RNF217: variants seen among roughly 807,000 people sequenced by gnomAD.
RNF217 encodes E3 ubiquitin-protein ligase RNF217.
A neutral mutation model predicts 57.8 loss-of-function variants in RNF217; 31 were observed. The observed-to-expected ratio is 0.54, with a 90% CI of 0.40 to 0.72. RNF217 has a LOEUF of 0.72. RNF217 is among the 30% of genes least tolerant of loss of function. RNF217 has a pLI of 0.00. For synonymous variants in RNF217, 313 were observed against 294.0 expected, an observed-to-expected ratio of 1.06 and a Z score of -0.66; for missense variants, 696 against 708.3, an observed-to-expected ratio of 0.98 and a Z score of 0.20.
chr6:125,046,820 C>T (rs1406108648), intron 2 of RNF217, among the ~76,000 whole-genome samples: 1 of 151,972 alleles, frequency 6.6e-6, no homozygotes, highest in African/African-American at 2.4e-5. Flanking sequence ...AGTCGTTGTT[C>T]TTTGAAACTG....
chr6:125,082,855 T>C lies in RNF217; in HGVS notation c.1556-9T>C, dbSNP rs370471562. 3.2e-6 allele frequency: 5 copies of C among 1,583,472 alleles called. No individual in the cohort carries two copies. The highest frequency in any genetic ancestry group is 2.3e-5 in the South Asian group (2 of 86,676). The stretch of plus-strand genomic sequence containing the variant: ...ATCCTAACTAACTTTAATTTTTTCT[T>C]ATCCCTAGGTTTATTTGTATTTCCT... On this transcript the variant is annotated splice_polypyrimidine_tract_variant and intron_variant, in intron 5 of 5. Transcript: ENST00000521654.
At chr6:125,023,958 CAT>C (rs1040567855) in intron 1 of RNF217, among the ~76,000 whole-genome samples, 5 of 152,138 alleles carry the variant, frequency 3.3e-5, no homozygotes, top group Admixed American at 3.3e-4. Context: ...TTGTTCAAGA[CAT>C]GCAAAATTTC....
rs781267925 is a variant in RNF217, at chr6:125,045,466, G to A, written c.1116+22G>A. On this transcript the variant is annotated intron_variant, in intron 2 of 5. Transcript: ENST00000521654. ...CAAAGTAAGCATTTTCACCAGAGCT[G>A]TGGGTTAGATGTCACATGGCAGAAG... 2.3e-5 allele frequency: 36 copies of A among 1,585,280 alleles called. No homozygotes were observed. The Admixed American group carries it at 3.7e-4, about 16-fold the overall frequency.
intron 1 of RNF217, among the ~76,000 whole-genome samples, chr6:125,029,170 C>T (rs1418613809): frequency 6.6e-6 from 1 of 152,116 alleles, no homozygotes; most frequent in East Asian, 1.9e-4. Context: ...ATTCTTTCAG[C>T]ATGGAAGTCT....
intron 2 of RNF217, among the ~76,000 whole-genome samples, chr6:125,055,565 T>A (rs1272982127): frequency 6.6e-6 from 1 of 152,218 alleles, no homozygotes; most frequent in African/African-American, 2.4e-5. Context: ...ATCTTTACAT[T>A]CATTCTAATA....
chr6:125,046,159 G>A (rs1029896471), intron 2 of RNF217, among the ~76,000 whole-genome samples: 11 of 152,066 alleles, frequency 7.2e-5, no homozygotes, highest in Non-Finnish European at 1.2e-4. Context: ...GTAAGTGCAC[G>A]GCCCCCGAGG....
chr6:125,007,713 G>A (rs1387036214), intron 1 of RNF217, among the ~76,000 whole-genome samples: 1 of 152,012 alleles, frequency 6.6e-6, no homozygotes, highest in East Asian at 1.9e-4. Context: ...CCTTACTGGG[G>A]GGAAACTAAT....
rs1316459987 is a variant in RNF217, at chr6:125,083,964, T to C, written c.*1027T>C. ...TATTTAATCCCAAAAACAAGTTTGC[T>C]GTAGACAACTGCTTAAGCCTTTAAA... On this transcript the variant is annotated 3_prime_UTR_variant, in exon 6 of 6. Transcript: ENST00000521654. The C allele has an allele frequency of 6.6e-6, 1 of 152,074 alleles. No individual in the cohort carries two copies. The highest frequency in any genetic ancestry group is 6.6e-5 in the Admixed American group (1 of 15,238). The allele number at this position is 152,074 out of a possible 1,614,324, so 9.4% of individuals were successfully genotyped here. A position where few individuals can be genotyped will look rare whatever the true frequency, so the allele number is the denominator to read the frequency against.
chr6:125,010,301 A>T (rs1254599526), intron 1 of RNF217, among the ~76,000 whole-genome samples: 1 of 152,056 alleles, frequency 6.6e-6, no homozygotes, highest in African/African-American at 2.4e-5. Flanking sequence ...TGTCTATTTT[A>T]TTCTCATTTA....
intron 1 of RNF217, among the ~76,000 whole-genome samples, chr6:124,999,515 T>G (rs1784889757): frequency 6.6e-6 from 1 of 152,128 alleles, no homozygotes; most frequent in Admixed American, 6.5e-5. Flanking sequence ...TTTAGTGTGA[T>G]CTTGTAGAAA....
chr6:125,082,811 G>C, intron 5 of RNF217, 53 bp from the exon 6 acceptor site: 1 of 1,361,520 alleles, frequency 7.3e-7, no homozygotes, highest in Non-Finnish European at 1.0e-6. Flanking sequence ...TTTAAAATAG[G>C]AAAACCTAAA....
At chr6:125,031,723 C>T (rs760344685) in intron 1 of RNF217, among the ~76,000 whole-genome samples, 12 of 152,192 alleles carry the variant, frequency 7.9e-5, no homozygotes, top group Admixed American at 3.9e-4. Context: ...CTAGGAAGTT[C>T]CAAACTTTCC....
intron 1 of RNF217, among the ~76,000 whole-genome samples, chr6:125,023,681 A>G (rs140334513): frequency 1.4e-4 from 21 of 152,320 alleles, no homozygotes; most frequent in African/African-American, 4.1e-4. Context: ...CTAAGTGCCC[A>G]TTGATAGATG....
At position 125,092,032 on chromosome 6, in the gene RNF217, A is replaced by T. The variant is rs568315362; in HGVS notation, c.*9095A>T. 6.6e-6 allele frequency: 1 copy of T among 152,308 alleles called. No homozygotes were observed. Among genetic ancestry groups the T allele is most frequent in the Non-Finnish European group, 1.5e-5 (1 of 68,012 alleles). 9.4% of individuals were successfully genotyped at this position (152,308 alleles called of 1,614,324 possible). A position where few individuals can be genotyped will look rare whatever the true frequency, so the allele number is the denominator to read the frequency against. On this transcript the variant is annotated 3_prime_UTR_variant, in exon 6 of 6. Transcript: ENST00000521654. ...AACCATGTGCTTAGAAAAGACAAAG[A>T]CAGGTTGTATATGCAGTTATGTGTA...
At chr6:125,044,209 AAAG>A (rs1337983939) in intron 1 of RNF217, among the ~76,000 whole-genome samples, 2 of 151,984 alleles carry the variant, frequency 1.3e-5, no homozygotes, top group Non-Finnish European at 2.9e-5. Context: ...CCCAAATAAA[AAAG>A]AAAGGGTTTG....
At chr6:125,051,183 A>T (rs552550147) in intron 2 of RNF217, among the ~76,000 whole-genome samples, 89 of 152,056 alleles carry the variant, frequency 5.9e-4, no homozygotes, top group Non-Finnish European at 1.1e-3. Flanking sequence ...ATTTTAGCCT[A>T]CACTTCACCT....
chr6:125,024,996 TCAGAGACTCA>T (rs2114435035), intron 1 of RNF217, among the ~76,000 whole-genome samples: 1 of 152,022 alleles, frequency 6.6e-6, no homozygotes, highest in South Asian at 2.1e-4. Flanking sequence ...AAATGCAACC[TCAGAGACTCA>T]GGAAGCCTTA....
At chr6:124,975,644 C>T (rs1783928116) in intron 1 of RNF217, among the ~76,000 whole-genome samples, 1 of 152,088 alleles carries the variant, frequency 6.6e-6, no homozygotes, top group African/African-American at 2.4e-5. Flanking sequence ...GCCATGTTGC[C>T]CAGGCTGGTC....
chr6:125,001,934 G>A (rs1001084613), intron 1 of RNF217, among the ~76,000 whole-genome samples: 1 of 152,180 alleles, frequency 6.6e-6, no homozygotes, highest in African/African-American at 2.4e-5. Flanking sequence ...CAGACCTCTA[G>A]AATCACTGTT....
Sources: allele counts gnomAD v4.1 joint callset (sites outside exome capture counted in the v4.1 genomes callset), GRCh38; gene constraint gnomAD v4.1.1; transcripts MANE v1.5; gene names NCBI Gene and HGNC (gene_info 2026-07-23, HGNC 2026-07-21).